CTNNA2: variants seen among roughly 807,000 people sequenced by gnomAD.
CTNNA2 encodes the protein catenin alpha 2, also known as catenin alpha-2.
CTNNA2 carries 42 observed loss-of-function variants against 101.0 expected under a neutral mutation model. The observed-to-expected ratio is 0.42, with a 90% confidence interval of 0.32 to 0.54. The LOEUF is 0.54. Among genes scored for constraint, CTNNA2 ranks in the 20% least tolerant of loss-of-function variants. The probability of loss-of-function intolerance (pLI) is 0.14; values close to 1 mark genes in which losing one functional copy is unlikely to be tolerated. For synonymous variants in CTNNA2, 450 were observed against 456.4 expected, an observed-to-expected ratio of 0.99 and a Z score of 0.18; for missense variants, 871 against 1,223.1, an observed-to-expected ratio of 0.71 and a Z score of 4.29.
chr2:80,257,553 G>A (rs1383387568), intron 7 of CTNNA2, among the ~76,000 whole-genome samples: 1 of 152,186 alleles, frequency 6.6e-6, no homozygotes, highest in Non-Finnish European at 1.5e-5. Context: ...CCTGGGTGTA[G>A]CCACCCTGAT....
At chr2:80,603,782 A>G (rs1405847123) in intron 15 of CTNNA2, 2 of 322,252 alleles carry the variant, frequency 6.2e-6, no homozygotes, top group African/African-American at 4.3e-5. Context: ...GTAAGCAACT[A>G]TAAAATTTTC....
chr2:79,866,224 A>G (rs1682087039), intron 4 of CTNNA2, among the ~76,000 whole-genome samples: 1 of 152,240 alleles, frequency 6.6e-6, no homozygotes, highest in South Asian at 2.1e-4. Flanking sequence ...AGTTCTGAAA[A>G]GAATTTCTTA....
chr2:79,555,286 A>G lies in CTNNA2; in HGVS notation c.-6+42079A>G, dbSNP rs569103080. On this transcript the variant is annotated intron_variant, in intron 1 of 18. Coordinates refer to ENST00000402739, the MANE Select transcript of CTNNA2 (RefSeq NM_001282597.3). The stretch of plus-strand genomic sequence containing the variant: ...AAGGCCATACACTGGAATATAGTGT[A>G]GCTGAGAAAACACCCAGTAGTCCCC... Among the ~76,000 whole-genome samples, 3 of 152,308 alleles carry G rather than the reference A, an allele frequency of 2.0e-5. No individual in the cohort carries two copies. In the East Asian group the frequency reaches 5.8e-4, roughly 29 times the overall value.
At chr2:80,517,553 A>C (rs1689197784) in intron 9 of CTNNA2, among the ~76,000 whole-genome samples, 1 of 152,210 alleles carries the variant, frequency 6.6e-6, no homozygotes, top group Non-Finnish European at 1.5e-5. Flanking sequence ...TGACAGGACC[A>C]CTTACAGGCG....
intron 7 of CTNNA2, among the ~76,000 whole-genome samples, chr2:79,974,469 CA>C (rs889088223): frequency 6.6e-6 from 1 of 152,136 alleles, no homozygotes; most frequent in African/African-American, 2.4e-5. Context: ...CTTCTGCTAC[CA>C]AAATAATTTC....
intron 7 of CTNNA2, among the ~76,000 whole-genome samples, chr2:80,233,904 G>A (rs951276767): frequency 1.3e-5 from 2 of 152,110 alleles, no homozygotes; most frequent in Admixed American, 1.3e-4. Flanking sequence ...CTTGTAGGAG[G>A]CTATATCTAG....
chr2:80,031,250 G>A (rs545570020), intron 7 of CTNNA2, among the ~76,000 whole-genome samples: 29 of 152,290 alleles, frequency 1.9e-4, no homozygotes, highest in South Asian at 1.7e-3. Context: ...TATATAACAC[G>A]TTAACATTGT....
intron 3 of CTNNA2, among the ~76,000 whole-genome samples, chr2:79,815,998 ATT>A (rs148404305): frequency 0.1 from 15,204 of 149,110 alleles, 1,058 homozygotes; most frequent in African/African-American, 0.19. Context: ...ATTCCTAAGT[ATT>A]TTTTTTTTGT....
intron 3 of CTNNA2, among the ~76,000 whole-genome samples, chr2:79,755,936 G>A (rs746700803): frequency 6.6e-6 from 1 of 152,066 alleles, no homozygotes; most frequent in Non-Finnish European, 1.5e-5. Flanking sequence ...ATGCATACAC[G>A]TGAAAATGTC....
chr2:79,207,685 C>A (rs1319795472), intron 2 of CTNNA2, among the ~76,000 whole-genome samples: 1 of 152,150 alleles, frequency 6.6e-6, no homozygotes, highest in Non-Finnish European at 1.5e-5. Flanking sequence ...TGGCTCCCTG[C>A]AGAGCTGGTA....
At chr2:79,729,067 C>T (rs1260839918) in intron 2 of CTNNA2, among the ~76,000 whole-genome samples, 1 of 152,034 alleles carries the variant, frequency 6.6e-6, no homozygotes, top group African/African-American at 2.4e-5. Context: ...ATTTTATTAG[C>T]ACATAGAATG....
At chr2:79,934,293 G>C (rs756252297) in intron 7 of CTNNA2, among the ~76,000 whole-genome samples, 1 of 152,190 alleles carries the variant, frequency 6.6e-6, no homozygotes, top group Non-Finnish European at 1.5e-5. Context: ...TGGTGCAAAA[G>C]TAACTGTAAA....
At chr2:79,733,581 C>A (rs1687333797) in intron 2 of CTNNA2, among the ~76,000 whole-genome samples, 1 of 152,108 alleles carries the variant, frequency 6.6e-6, no homozygotes, top group East Asian at 1.9e-4. Flanking sequence ...TTCATCCCTG[C>A]AATTCCTGAA....
chr2:80,634,620 G>C (rs1175605849), intron 18 of CTNNA2, among the ~76,000 whole-genome samples: 1 of 152,012 alleles, frequency 6.6e-6, no homozygotes, highest in Non-Finnish European at 1.5e-5. Context: ...TAACAGGATC[G>C]TTCTCGCTTC....
At chr2:79,551,759 C>T (rs1457229907) in intron 1 of CTNNA2, among the ~76,000 whole-genome samples, 1 of 152,086 alleles carries the variant, frequency 6.6e-6, no homozygotes, top group Non-Finnish European at 1.5e-5. Flanking sequence ...GGGAAGCAGG[C>T]ACATCTTACA....
intron 2 of CTNNA2, among the ~76,000 whole-genome samples, chr2:79,256,659 G>A (rs985053261): frequency 6.6e-6 from 1 of 152,144 alleles, no homozygotes; most frequent in African/African-American, 2.4e-5. Flanking sequence ...ACTTGCTCAA[G>A]CATACGTTCC....
At chr2:79,708,653 T>C (rs757009085) in intron 2 of CTNNA2, among the ~76,000 whole-genome samples, 2 of 151,210 alleles carry the variant, frequency 1.3e-5, no homozygotes, top group Non-Finnish European at 2.9e-5. Context: ...ATTCATATAC[T>C]GTAATTTTTA....
intron 4 of CTNNA2, among the ~76,000 whole-genome samples, chr2:79,462,049 G>T (rs889466754): frequency 6.6e-6 from 1 of 152,064 alleles, no homozygotes; most frequent in Non-Finnish European, 1.5e-5. Context: ...CAGTGATGAA[G>T]AATTTTACCG....
intron 8 of CTNNA2, among the ~76,000 whole-genome samples, chr2:80,412,013 G>T (rs1275403532): frequency 6.6e-6 from 1 of 152,000 alleles, no homozygotes. Context: ...CCTCTCCTTT[G>T]CTTTCTTGTG....
Sources: allele counts gnomAD v4.1 joint callset (sites outside exome capture counted in the v4.1 genomes callset), GRCh38; gene constraint gnomAD v4.1.1; transcripts MANE v1.5; gene names NCBI Gene and HGNC (gene_info 2026-07-23, HGNC 2026-07-21).